SEM1: variants seen among roughly 807,000 people sequenced by gnomAD.
SEM1 encodes SEM1 26S proteasome subunit.
Under a neutral mutation model 12.7 loss-of-function variants are expected in SEM1, and 3 were observed. The observed-to-expected ratio is 0.24, with a 90% CI of 0.11 to 0.61. SEM1 has a LOEUF of 0.61. Ranked by LOEUF, SEM1 falls within the 20% of genes least tolerant of loss-of-function variation. The probability of loss-of-function intolerance (pLI) is 0.88; values close to 1 mark genes in which losing one functional copy is unlikely to be tolerated. For synonymous variants in SEM1, 30 were observed against 27.8 expected, an observed-to-expected ratio of 1.08 and a Z score of -0.25; for missense variants, 59 against 81.3, an observed-to-expected ratio of 0.73 and a Z score of 1.06.
At chr7:96,572,217 CT>C in intron 2 of SEM1, among the ~76,000 whole-genome samples, 1 of 152,194 alleles carries the variant, frequency 6.6e-6, no homozygotes, top group Non-Finnish European at 1.5e-5. Context: ...TTGTGTTAAT[CT>C]TTTCAAAAAA....
intron 2 of SEM1, chr7:96,484,918 G>C (rs1395935228): frequency 2.0e-6 from 2 of 1,016,916 alleles, no homozygotes; most frequent in Middle Eastern, 6.1e-4. Context: ...GTCTTACCCT[G>C]GTGGAAATGG....
At chr7:96,551,512 C>CA (rs887471055) in intron 2 of SEM1, among the ~76,000 whole-genome samples, 1 of 151,672 alleles carries the variant, frequency 6.6e-6, no homozygotes, top group Non-Finnish European at 1.5e-5. Context: ...CCAGCCTGGC[C>CA]AACATGGTGA....
chr7:96,501,117 G>T (rs1468615435), upstream of SEM1, among the ~76,000 whole-genome samples: 1 of 152,080 alleles, frequency 6.6e-6, no homozygotes, highest in Non-Finnish European at 1.5e-5. Context: ...TTAACCCTCT[G>T]CACGTTCTAA....
intron 2 of SEM1, chr7:96,486,074 G>C (rs1802742372): frequency 1.5e-6 from 1 of 666,612 alleles, no homozygotes. Flanking sequence ...AATATCACGT[G>C]TAAAGATCAC....
intron 1 of SEM1, among the ~76,000 whole-genome samples, chr7:96,698,825 C>G (rs1203663289): frequency 6.6e-6 from 1 of 152,122 alleles, no homozygotes; most frequent in Non-Finnish European, 1.5e-5. Context: ...GTTCTAGATC[C>G]TTGCGGAATC....
intron 2 of SEM1, among the ~76,000 whole-genome samples, chr7:96,575,009 G>A (rs1563067637): frequency 6.6e-6 from 1 of 152,234 alleles, no homozygotes; most frequent in East Asian, 1.9e-4. Context: ...TCCCTTGCTG[G>A]CGAGGACTTG....
chr7:96,680,061 C>A (rs1195962374), intron 2 of SEM1, among the ~76,000 whole-genome samples: 12 of 152,098 alleles, frequency 7.9e-5, no homozygotes, highest in Non-Finnish European at 1.6e-4. Flanking sequence ...CTGAGTAACT[C>A]TCAACCAATG....
chr7:96,530,662 G>A (rs1436191788), intron 2 of SEM1, among the ~76,000 whole-genome samples: 1 of 152,124 alleles, frequency 6.6e-6, no homozygotes, highest in African/African-American at 2.4e-5. Flanking sequence ...AGTGGCCAAA[G>A]ACCAGAAAAC....
rs1481865837 is a variant in SEM1 at position 96,708,485 on chromosome 7, G to C, written c.76+1203C>G. Among the ~76,000 whole-genome samples, 3 of 152,198 alleles carry C rather than the reference G, an allele frequency of 2.0e-5. No homozygotes were observed. In the East Asian group the frequency reaches 5.8e-4, roughly 29 times the overall value. On this transcript the variant is annotated intron_variant, in intron 1 of 2. Transcript: ENST00000248566. ...AATTTTAGTGAAGTAGTAATTGCTTGATGCAACAGGATGTGTACCCCATTA... is the reference window on the plus strand; with the variant it reads ...AATTTTAGTGAAGTAGTAATTGCTTCATGCAACAGGATGTGTACCCCATTA...
At chr7:96,540,494 T>C (rs990391393) in intron 2 of SEM1, among the ~76,000 whole-genome samples, 10 of 151,778 alleles carry the variant, frequency 6.6e-5, no homozygotes, top group Non-Finnish European at 1.3e-4. Context: ...TCAAATATGA[T>C]CAAAAAGCAA....
chr7:96,672,410 A>C (rs143069608), downstream of SEM1, among the ~76,000 whole-genome samples: 13 of 152,266 alleles, frequency 8.5e-5, 1 homozygote, highest in East Asian at 2.5e-3. Context: ...CAGTCGTCCA[A>C]CACCTCCAGC....
At chr7:96,644,533 G>A (rs541498710) in intron 2 of SEM1, among the ~76,000 whole-genome samples, 24 of 152,248 alleles carry the variant, frequency 1.6e-4, no homozygotes, top group South Asian at 4.1e-4. Flanking sequence ...AATGTGCTGG[G>A]AATATAACAT....
chr7:96,488,518 T>A (rs796900128), intron 1 of SEM1, among the ~76,000 whole-genome samples: 8 of 152,222 alleles, frequency 5.3e-5, no homozygotes, highest in African/African-American at 1.9e-4. Context: ...GCTGAATATG[T>A]GACTACAATG....
Position 96,694,815 on chromosome 7 carries a change from G to A in SEM1, c.153C>T (p.Asp51=), listed in dbSNP as rs1309737889. 1 of 1,603,674 alleles carries A rather than the reference G, an allele frequency of 6.2e-7. No homozygotes were observed. Among genetic ancestry groups the A allele is most frequent in the Non-Finnish European group, 8.5e-7 (1 of 1,171,188 alleles). ...DNWDDDNVED[D]FSNQLRAELE... is the part of the protein sequence containing the mutation. The stretch of plus-strand genomic sequence containing the variant: ...AAACTTACCGTAACTGATTAGAGAA[G>A]TCATCCTCTACATTGTCATCATCCC... Residue 51 remains aspartate (D), a synonymous_variant, in exon 2 of 3, where the codon GAC becomes GAT. Transcript: ENST00000248566.
At chr7:96,574,641 T>C (rs567466792) in intron 2 of SEM1, among the ~76,000 whole-genome samples, 1 of 152,310 alleles carries the variant, frequency 6.6e-6, no homozygotes, top group East Asian at 1.9e-4. Flanking sequence ...CCCATATTTC[T>C]TGGAGGCTTT....
intron 3 of SEM1, among the ~76,000 whole-genome samples, chr7:96,484,638 A>G (rs1802679264): frequency 6.6e-6 from 1 of 152,188 alleles, no homozygotes; most frequent in South Asian, 2.1e-4. Flanking sequence ...AGGCATGGCC[A>G]CAAGTAGATA....
intron 2 of SEM1, among the ~76,000 whole-genome samples, chr7:96,661,371 A>C (rs1165513141): frequency 6.6e-6 from 1 of 152,210 alleles, no homozygotes; most frequent in East Asian, 1.9e-4. Flanking sequence ...TTGTTCTTAA[A>C]TTCAGTGCAA....
chr7:96,555,237 T>C (rs1246835644), intron 2 of SEM1, among the ~76,000 whole-genome samples: 1 of 152,110 alleles, frequency 6.6e-6, no homozygotes, highest in Non-Finnish European at 1.5e-5. Context: ...CTGCTATCTT[T>C]TGAATGTGTT....
chr7:96,590,830 A>G (rs1368074503), intron 2 of SEM1, among the ~76,000 whole-genome samples: 1 of 152,160 alleles, frequency 6.6e-6, no homozygotes, highest in African/African-American at 2.4e-5. Context: ...ACATAATTTT[A>G]TGTGTGTGCT....
Sources: allele counts gnomAD v4.1 joint callset (sites outside exome capture counted in the v4.1 genomes callset), GRCh38; gene constraint gnomAD v4.1.1; transcripts MANE v1.5; gene names NCBI Gene and HGNC (gene_info 2026-07-23, HGNC 2026-07-21).